TENM3: variants seen among roughly 807,000 people sequenced by gnomAD.
The protein encoded by TENM3 is teneurin-3.
Under a neutral mutation model 255.1 loss-of-function variants are expected in TENM3, and 63 were observed. That is an observed-to-expected ratio of 0.25 (90% CI 0.20 to 0.30). TENM3 has a LOEUF of 0.30. TENM3 is among the 10% of genes least tolerant of loss of function. TENM3 has a pLI of 1.00. For missense variants in TENM3, 2,929 were observed against 3,461.1 expected, an observed-to-expected ratio of 0.85 and a Z score of 3.86; for synonymous variants, 1,306 against 1,322.3, an observed-to-expected ratio of 0.99 and a Z score of 0.27.
the TENM3 span, among the ~76,000 whole-genome samples, chr4:181,845,889 T>G: frequency 2.0e-5 from 3 of 152,224 alleles, no homozygotes; most frequent in Admixed American, 6.5e-5. Context: ...AGAAGGATTA[T>G]TCAGTGGCTT....
intron 3 of TENM3, among the ~76,000 whole-genome samples, chr4:182,522,265 T>C (rs950085923): frequency 2.0e-5 from 3 of 152,236 alleles, no homozygotes; most frequent in African/African-American, 7.2e-5. Context: ...CATTGTACTA[T>C]CAAATATAGA....
the TENM3 span, among the ~76,000 whole-genome samples, chr4:182,038,212 T>C: frequency 6.6e-6 from 1 of 151,824 alleles, no homozygotes; most frequent in Non-Finnish European, 1.5e-5. Context: ...CAAACATCCA[T>C]TGGCAAAGAT....
chr4:182,661,358 C>A (rs1754213843), intron 6 of TENM3, among the ~76,000 whole-genome samples: 1 of 151,802 alleles, frequency 6.6e-6, no homozygotes, highest in Admixed American at 6.6e-5. Context: ...CATTTTTGAT[C>A]ATCGTGTATC....
chr4:182,796,538 TA>T lies in TENM3; in HGVS notation c.7214-97del, dbSNP rs1210458100. The T allele has an allele frequency of 4.3e-6, 5 of 1,152,922 alleles. No individual in the cohort carries two copies. In the African/African-American group the frequency reaches 7.8e-5, roughly 18 times the overall value. 71.4% of individuals were successfully genotyped at this position (1,152,922 alleles called of 1,614,324 possible). A position where few individuals can be genotyped will look rare whatever the true frequency, so the allele number is the denominator to read the frequency against. On this transcript the variant is annotated intron_variant, in intron 26 of 27. Transcript: ENST00000511685. ...AAACAGGTGCTCTTTTTCAGATTAT[TA>T]ATTGTGAAATTGGATTTTCTTTTTA...
chr4:182,309,253 C>T (rs1203529041), intron 1 of TENM3, among the ~76,000 whole-genome samples: 1 of 152,158 alleles, frequency 6.6e-6, no homozygotes, highest in Non-Finnish European at 1.5e-5. Context: ...TGCGAATTTC[C>T]CACTTTCCAG....
At chr4:182,313,504 T>C (rs1275872730) in intron 1 of TENM3, among the ~76,000 whole-genome samples, 1 of 152,056 alleles carries the variant, frequency 6.6e-6, no homozygotes, top group Non-Finnish European at 1.5e-5. Context: ...TTTAAATATA[T>C]ATATATACAC....
chr4:181,616,801 T>C, the TENM3 span, among the ~76,000 whole-genome samples: 1 of 152,196 alleles, frequency 6.6e-6, no homozygotes, highest in Admixed American at 6.5e-5. Context: ...AAATTCACTC[T>C]GCCTTTTTGT....
the TENM3 span, among the ~76,000 whole-genome samples, chr4:181,470,982 G>T: frequency 6.0e-5 from 2 of 33,202 alleles, no homozygotes; most frequent in East Asian, 3.8e-4. Context: ...TTAGGTTTGT[G>T]GTGTTTTTTT....
the TENM3 span, among the ~76,000 whole-genome samples, chr4:181,853,350 G>T: frequency 6.6e-6 from 1 of 152,020 alleles, no homozygotes; most frequent in Non-Finnish European, 1.5e-5. Flanking sequence ...AAACTTTTAC[G>T]TTGCCAAACT....
At chr4:181,796,877 T>A in the TENM3 span, among the ~76,000 whole-genome samples, 8 of 152,324 alleles carry the variant, frequency 5.3e-5, no homozygotes, top group East Asian at 7.7e-4. Flanking sequence ...CATCCACTTT[T>A]ACATCTCAGA....
At chr4:181,943,181 G>T in the TENM3 span, among the ~76,000 whole-genome samples, 1 of 152,148 alleles carries the variant, frequency 6.6e-6, no homozygotes, top group Non-Finnish European at 1.5e-5. Context: ...ATCCCGGGTA[G>T]ATTGTAACAA....
the TENM3 span, among the ~76,000 whole-genome samples, chr4:181,946,978 C>A: frequency 6.6e-6 from 1 of 152,114 alleles, no homozygotes; most frequent in African/African-American, 2.4e-5. Context: ...AGTTCAAATC[C>A]CATGTAAATC....
chr4:182,713,593 T>G (rs2152677229), intron 12 of TENM3, among the ~76,000 whole-genome samples: 1 of 152,372 alleles, frequency 6.6e-6, no homozygotes, highest in East Asian at 1.9e-4. Context: ...GTTCTCTTTT[T>G]GACATCATTC....
chr4:182,055,903 C>T, the TENM3 span, among the ~76,000 whole-genome samples: 1 of 152,048 alleles, frequency 6.6e-6, no homozygotes, highest in African/African-American at 2.4e-5. Context: ...TAATTATATA[C>T]AAAAACTCAT....
chr4:182,116,756 T>C, the TENM3 span, among the ~76,000 whole-genome samples: 3 of 152,376 alleles, frequency 2.0e-5, no homozygotes, highest in South Asian at 6.2e-4. Flanking sequence ...TTTTTAGCAT[T>C]GAATAATATT....
intron 3 of TENM3, among the ~76,000 whole-genome samples, chr4:182,359,505 G>A (rs569182346): frequency 9.9e-5 from 15 of 150,858 alleles, no homozygotes; most frequent in Non-Finnish European, 1.3e-4. Flanking sequence ...GTTTATTTGC[G>A]TAGAGGTGTT....
chr4:182,230,232 G>A (rs935875786), intron 1 of TENM3, among the ~76,000 whole-genome samples: 4 of 151,496 alleles, frequency 2.6e-5, no homozygotes, highest in African/African-American at 4.8e-5. Context: ...AGCCCCAAGC[G>A]AAGCCCCATG....
At chr4:181,677,860 C>T in the TENM3 span, among the ~76,000 whole-genome samples, 19 of 152,154 alleles carry the variant, frequency 1.2e-4, no homozygotes, top group Non-Finnish European at 2.5e-4. Context: ...AAATAGGTTG[C>T]GCTTCTCCTT....
chr4:181,502,207 G>T, the TENM3 span, among the ~76,000 whole-genome samples: 10 of 152,180 alleles, frequency 6.6e-5, no homozygotes. Context: ...ATTATATATT[G>T]GTCAAAGCCC....
Sources: allele counts gnomAD v4.1 joint callset (sites outside exome capture counted in the v4.1 genomes callset), GRCh38; gene constraint gnomAD v4.1.1; transcripts MANE v1.5; gene names NCBI Gene and HGNC (gene_info 2026-07-23, HGNC 2026-07-21).